The following PAK6 variants were observed in gnomAD, a reference collection of about 807,000 sequenced individuals.
PAK6 encodes p21 (RAC1) activated kinase 6.
PAK6 carries 33 observed loss-of-function variants against 60.8 expected under a neutral mutation model. That is an observed-to-expected ratio of 0.54 (90% CI 0.41 to 0.73). PAK6 has a LOEUF of 0.73. PAK6 is among the 30% of genes least tolerant of loss of function. The pLI, the probability that PAK6 is intolerant of heterozygous loss-of-function variation, is 0.00. For synonymous variants in PAK6, 404 were observed against 378.5 expected (o/e 1.07, Z -0.78); for missense variants, 845 against 904.1 (o/e 0.93, Z 0.84).
chr15:40,252,319 G>C (rs55974545), intron 2 of PAK6: 377,954 of 1,246,966 alleles, frequency 0.3, 60,961 homozygotes, highest in Non-Finnish European at 0.34. Context: ...TCCGCGAGGC[G>C]GCCACTGGGC....
At chr15:40,256,404 G>T (rs568427823) in intron 3 of PAK6, among the ~76,000 whole-genome samples, 48 of 152,314 alleles carry the variant, frequency 3.2e-4, no homozygotes, top group African/African-American at 1.1e-3. Flanking sequence ...CCCAAAGGGG[G>T]TTACAAAGAG....
chr15:40,269,305 G>A (rs950199264), intron 5 of PAK6, among the ~76,000 whole-genome samples: 3 of 152,332 alleles, frequency 2.0e-5, no homozygotes, highest in Non-Finnish European at 4.4e-5. Flanking sequence ...AGGCACCTGA[G>A]CCACCATGCC....
chr15:40,269,421 C>A (rs1258483605), intron 5 of PAK6, among the ~76,000 whole-genome samples: 1 of 152,202 alleles, frequency 6.6e-6, no homozygotes, highest in African/African-American at 2.4e-5. Context: ...TGGCTCAGGG[C>A]GGGAAATGAG....
chr15:40,276,036 T>C (rs1321764232), exon 11 of PAK6: 3 of 1,613,622 alleles, frequency 1.9e-6, no homozygotes, highest in African/African-American at 1.3e-5. Context: ...CAGACAGGGC[T>C]ACCTGAGTGC....
At chr15:40,275,276 G>GGTTTT (rs1345353324) in intron 10 of PAK6, among the ~76,000 whole-genome samples, 1 of 21,462 alleles carries the variant, frequency 4.7e-5, no homozygotes, top group African/African-American at 1.4e-4. Context: ...TTCTGTTGTT[G>GGTTTT]TTGGTTTTTT....
intron 2 of PAK6, among the ~76,000 whole-genome samples, chr15:40,248,722 T>C (rs879403515): frequency 4.0e-5 from 6 of 148,294 alleles, no homozygotes; most frequent in Admixed American, 6.7e-5. Context: ...GAAGGGACGG[T>C]CCTCCTACCC....
At chr15:40,261,610 T>C (rs1197743484) in intron 3 of PAK6, among the ~76,000 whole-genome samples, 1 of 152,186 alleles carries the variant, frequency 6.6e-6, no homozygotes, top group Non-Finnish European at 1.5e-5. Context: ...CAGTTTTATG[T>C]AGATTCTCCC....
At chr15:40,269,219 A>G (rs910897359) in intron 5 of PAK6, among the ~76,000 whole-genome samples, 3 of 152,164 alleles carry the variant, frequency 2.0e-5, no homozygotes, top group Admixed American at 6.5e-5. Flanking sequence ...GGGTTTCACC[A>G]TGTTGCCCAG....
chr15:40,275,349 G>A (rs756318829), intron 10 of PAK6, among the ~76,000 whole-genome samples: 35 of 125,338 alleles, frequency 2.8e-4, no homozygotes, highest in Non-Finnish European at 4.7e-4. Context: ...GCAGTGGTGC[G>A]ATCTCAGCTC....
At position 40,272,167 on chromosome 15, in the gene PAK6, AAGGTTATTCCAAATGCTCCCAC is replaced by A. The variant is rs1383927467; in HGVS notation, c.859-54_859-33del. The A allele has an allele frequency of 8.4e-6, 13 of 1,549,788 alleles. No homozygotes were observed. The African/African-American group carries it at 1.8e-4, about 21-fold the overall frequency. ...ACGGCGGCCAGCCCCTGCCTCCGGG[AAGGTTATTCCAAATGCTCCCAC>A]AGCCCTGACCCTTCCTGTTGCTTTG... On this transcript the variant is annotated intron_variant, in intron 5 of 10. Coordinates refer to ENST00000560346, the Ensembl canonical transcript of PAK6.
chr15:40,273,755 G>A (rs1180716032), intron 9 of PAK6, 79 bp downstream of exon 9: 2 of 1,538,412 alleles, frequency 1.3e-6, no homozygotes, highest in Non-Finnish European at 1.8e-6. Flanking sequence ...CCCCTCCAGT[G>A]AGCTCACCAA....
At chr15:40,261,105 A>G (rs189170085) in intron 3 of PAK6, among the ~76,000 whole-genome samples, 4,820 of 151,436 alleles carry the variant, frequency 0.032, 110 homozygotes, top group Non-Finnish European at 0.039. Context: ...AGCCAGGATG[A>G]TCTCTATCTC....
intron 2 of PAK6, among the ~76,000 whole-genome samples, chr15:40,249,721 T>C (rs1489303035): frequency 6.6e-6 from 1 of 152,266 alleles, no homozygotes; most frequent in Non-Finnish European, 1.5e-5. Context: ...TCTTTGGCCC[T>C]AGCCCGAGCA....
At chr15:40,277,295 G>A (rs2039481950) in exon 11 of PAK6, 1 of 152,362 alleles carries the variant, frequency 6.6e-6, no homozygotes, top group Non-Finnish European at 1.5e-5. Context: ...AGAACTTCAG[G>A]TGTCTGGACC....
At chr15:40,247,978 G>T (rs1460201459) in intron 2 of PAK6, among the ~76,000 whole-genome samples, 2 of 152,154 alleles carry the variant, frequency 1.3e-5, no homozygotes, top group African/African-American at 4.8e-5. Context: ...CCCCGTTTGG[G>T]GGTGCTGCTC....
chr15:40,272,921 A>G (rs1338487157), exon 7 of PAK6: 18 of 1,613,956 alleles, frequency 1.1e-5, no homozygotes, highest in Non-Finnish European at 1.4e-5. Flanking sequence ...TACAAGAGCT[A>G]CCTGGTGGGC....
At chr15:40,239,634 C>G (rs1294931287) in exon 1 of PAK6, 1 of 152,442 alleles carries the variant, frequency 6.6e-6, no homozygotes, top group African/African-American at 2.4e-5. Context: ...CTGTGTGTGT[C>G]CTCTGGAGGT....
chr15:40,266,458 C>T (rs2039140530), exon 5 of PAK6: 3 of 1,610,756 alleles, frequency 1.9e-6, no homozygotes, highest in African/African-American at 2.7e-5. Flanking sequence ...ACAGCCCCTC[C>T]AAGCAGCAGC....
chr15:40,255,785 C>T (rs1441748085), intron 3 of PAK6, among the ~76,000 whole-genome samples: 2 of 152,118 alleles, frequency 1.3e-5, no homozygotes, highest in Non-Finnish European at 2.9e-5. Flanking sequence ...GCAGGGGGAG[C>T]TTTTCATCGC....
Sources: allele counts gnomAD v4.1 joint callset (sites outside exome capture counted in the v4.1 genomes callset), GRCh38; gene constraint gnomAD v4.1.1; transcripts MANE v1.5; gene names NCBI Gene and HGNC (gene_info 2026-07-23, HGNC 2026-07-21).